Variants in ST3GAL1 observed in about 807,000 individuals in gnomAD.
ST3GAL1 encodes the protein CMP-N-acetylneuraminate-beta-galactosamide-alpha-2,3-sialyltransferase 1.
In ST3GAL1, 16 loss-of-function variants were observed where a neutral mutation model predicts 34.1. The ratio of observed to expected loss-of-function variants is 0.47; its 90% CI spans 0.32 to 0.71. ST3GAL1 has a LOEUF of 0.71. ST3GAL1 is among the 30% of genes least tolerant of loss of function. The pLI is 0.04. For missense variants in ST3GAL1, 353 were observed against 447.4 expected, an observed-to-expected ratio of 0.79 and a Z score of 1.90; for synonymous variants, 191 against 184.7, an observed-to-expected ratio of 1.03 and a Z score of -0.28.
intron 2 of ST3GAL1, among the ~76,000 whole-genome samples, chr8:133,524,066 G>A (rs1228293283): frequency 6.6e-6 from 1 of 152,148 alleles, no homozygotes; most frequent in African/African-American, 2.4e-5. Flanking sequence ...ATGCTCTTAT[G>A]CCATTTCATG....
intron 3 of ST3GAL1, among the ~76,000 whole-genome samples, chr8:133,498,600 T>C (rs1817044862): frequency 6.6e-6 from 1 of 152,166 alleles, no homozygotes; most frequent in Non-Finnish European, 1.5e-5. Flanking sequence ...ACAGACTTCC[T>C]TTGGCTTTTG....
At chr8:133,555,560 A>C (rs1318469562) in intron 1 of ST3GAL1, among the ~76,000 whole-genome samples, 2 of 152,204 alleles carry the variant, frequency 1.3e-5, no homozygotes, top group African/African-American at 2.4e-5. Context: ...TCCTAAAAAA[A>C]AAGAAAGGAG....
At position 133,475,734 on chromosome 8, in the gene ST3GAL1, G is replaced by T; in HGVS notation, c.291C>A (p.Thr97=). 6.3e-7 allele frequency: 1 copy of T among 1,599,370 alleles called. No homozygotes were observed. ...AGCATCTCACCAGCCACCATCGGTA[G>T]GTGTCGTCCTCCAAGAGCGCGTTCT... The part of the protein sequence containing the change: ...TAQNALLEDD[T]YRWWLRLQRE... Residue 97 remains threonine, a synonymous_variant, in exon 5 of 10, where the codon ACC becomes ACA. Transcript: ENST00000522652.
In ST3GAL1 at chr8:133,571,465, C is replaced by T. The variant is rs1819566942; in HGVS notation, c.-582+228G>A. The stretch of plus-strand genomic sequence containing the variant: ...CTCCCAAAGCCCTGGGTGGTCGCCG[C>T]TGCCAAGGAAGGGGTCTCCCTTCGA... On this transcript the variant is annotated intron_variant, in intron 1 of 9. Transcript: ENST00000522652. This position sits in a 1 kb window ranked among gnomAD's most constrained non-coding sequence, Gnocchi z 6.7. Among the ~76,000 whole-genome samples the T allele has an allele frequency of 6.6e-6, 1 of 151,952 alleles. No individual in the cohort carries two copies. The highest frequency in any genetic ancestry group is 2.1e-4 in the South Asian group (1 of 4,804).
intron 3 of ST3GAL1, among the ~76,000 whole-genome samples, chr8:133,483,687 T>C (rs1160424315): frequency 6.6e-6 from 1 of 152,190 alleles, no homozygotes; most frequent in Non-Finnish European, 1.5e-5. Context: ...TCTACTCCCG[T>C]GGCCAAGACC....
At chr8:133,555,718 C>T (rs191028425) in intron 1 of ST3GAL1, among the ~76,000 whole-genome samples, 67 of 152,282 alleles carry the variant, frequency 4.4e-4, no homozygotes, top group African/African-American at 1.3e-3. Flanking sequence ...TCACAGGAGT[C>T]GGCGGGTGCC....
chr8:133,464,648 G>C (rs186068916), intron 7 of ST3GAL1, 130 bp downstream of exon 7: 2 of 977,170 alleles, frequency 2.0e-6, no homozygotes, highest in African/African-American at 3.2e-5. Context: ...AACTGGGCTT[G>C]TGTGTGCCGG....
In ST3GAL1 at chr8:133,461,872, T is replaced by G; in HGVS notation, c.849+3A>C. ...CCCTGTGGGCAGGGGGAGGGTGGCA[T>G]ACCTCATCGCAGACATGCATTGAGA... On this transcript the variant is annotated splice_donor_region_variant and intron_variant, in intron 9 of 9. Coordinates refer to ENST00000522652, the MANE Select transcript of ST3GAL1 (RefSeq NM_173344.3). The surrounding 1 kb of genome is among the most constrained non-coding windows in gnomAD (Gnocchi z 4.7). 6.2e-7 allele frequency: 1 copy of G among 1,613,896 alleles called. No individual in the cohort carries two copies. Among genetic ancestry groups the G allele is most frequent in the Non-Finnish European group, 8.5e-7 (1 of 1,179,910 alleles).
In ST3GAL1 at chr8:133,470,892, T is replaced by C. The variant is rs534256472; in HGVS notation, c.307-4802A>G. Reference sequence around the variant, plus strand: ...ACTCGGGCATGATCCACAGGAACTCTGGAGCCTGTGCTATGGCAGAGTTTG... The same window carrying C: ...ACTCGGGCATGATCCACAGGAACTCCGGAGCCTGTGCTATGGCAGAGTTTG... On this transcript the variant is annotated intron_variant, in intron 5 of 9. Transcript: ENST00000522652. 3.9e-5 allele frequency among the ~76,000 whole-genome samples: 6 copies of C among 152,302 alleles called. No individual in the cohort carries two copies. In the East Asian group the frequency reaches 7.8e-4, roughly 20 times the overall value.
At chr8:133,465,245 T>G (rs1013510869) in intron 6 of ST3GAL1, among the ~76,000 whole-genome samples, 1 of 152,012 alleles carries the variant, frequency 6.6e-6, no homozygotes, top group African/African-American at 2.4e-5. Context: ...TTTTTTGCAG[T>G]CAAGGAAACC....
intron 2 of ST3GAL1, among the ~76,000 whole-genome samples, chr8:133,507,606 C>A (rs539675200): frequency 6.6e-6 from 1 of 152,306 alleles, no homozygotes; most frequent in East Asian, 1.9e-4. Context: ...GAGTTCCTGG[C>A]ACATTGTAGG....
intron 1 of ST3GAL1, among the ~76,000 whole-genome samples, chr8:133,548,463 C>T (rs1245372676): frequency 1.3e-5 from 2 of 152,228 alleles, no homozygotes; most frequent in East Asian, 3.9e-4. Context: ...AGCATTACCG[C>T]CAACACGTTA....
At chr8:133,526,584 A>G (rs1817982116) in intron 2 of ST3GAL1, among the ~76,000 whole-genome samples, 1 of 152,168 alleles carries the variant, frequency 6.6e-6, no homozygotes, top group Admixed American at 6.5e-5. Context: ...TTACGGAGAA[A>G]CAAAGAAAAT....
chr8:133,536,298 G>GTCA (rs1394639364), intron 2 of ST3GAL1, among the ~76,000 whole-genome samples: 1 of 152,176 alleles, frequency 6.6e-6, no homozygotes, highest in Non-Finnish European at 1.5e-5. Context: ...GATAGTAAGG[G>GTCA]TCATGGGCAT....
chr8:133,509,208 C>T (rs939387979), intron 2 of ST3GAL1, among the ~76,000 whole-genome samples: 2 of 152,196 alleles, frequency 1.3e-5, no homozygotes, highest in Non-Finnish European at 2.9e-5. Flanking sequence ...AAATTTAAAG[C>T]ACAGTTCCTC....
intron 3 of ST3GAL1, among the ~76,000 whole-genome samples, chr8:133,495,698 A>G (rs1346201648): frequency 6.6e-6 from 1 of 152,216 alleles, no homozygotes; most frequent in African/African-American, 2.4e-5. Context: ...GCTGTCTGCC[A>G]CAAGATGGTG....
At chr8:133,515,866 G>C (rs1031231573) in intron 2 of ST3GAL1, 1 of 151,904 alleles carries the variant, frequency 6.6e-6, no homozygotes, top group Admixed American at 6.6e-5. Flanking sequence ...TTTTTGGTAG[G>C]AGGGGACGGT....
chr8:133,501,787 T>G (rs1817164658), intron 2 of ST3GAL1, among the ~76,000 whole-genome samples: 1 of 151,778 alleles, frequency 6.6e-6, no homozygotes, highest in African/African-American at 2.4e-5. Flanking sequence ...ACCAAAAATC[T>G]CTAGGACTTT....
chr8:133,558,795 G>A (rs1043937667), intron 1 of ST3GAL1, among the ~76,000 whole-genome samples: 14 of 152,162 alleles, frequency 9.2e-5, no homozygotes, highest in African/African-American at 2.9e-4. Context: ...TCAGTTTAAT[G>A]TATAAAATCC....
Sources: allele counts gnomAD v4.1 joint callset (sites outside exome capture counted in the v4.1 genomes callset), GRCh38; gene constraint gnomAD v4.1.1; non-coding constraint Gnocchi (gnomAD v3.1); transcripts MANE v1.5; gene names NCBI Gene and HGNC (gene_info 2026-07-23, HGNC 2026-07-21).